Variants in SLC9A9 observed in about 807,000 individuals in gnomAD.
SLC9A9 encodes sodium/hydrogen exchanger 9.
A neutral mutation model predicts 77.8 loss-of-function variants in SLC9A9; 62 were observed. The observed-to-expected ratio is 0.80, with a 90% CI of 0.65 to 0.98. The LOEUF is 0.98. Ranked by LOEUF, SLC9A9 falls within the 50% of genes least tolerant of loss-of-function variation. The pLI is 0.00. For missense variants in SLC9A9, 775 were observed against 774.9 expected (o/e 1.00, Z 0.00); for synonymous variants, 320 against 283.5 (o/e 1.13, Z -1.29).
rs758608214 is a variant in SLC9A9, at chr3:143,268,873, A to G, written c.1710+2T>C. The G allele has an allele frequency of 1.9e-6, 3 of 1,610,040 alleles. No individual in the cohort carries two copies. In the African/African-American group the frequency reaches 4.0e-5, roughly 22 times the overall value. ...CACCCTAGAGGCCTGAGATTTACTT[A>G]CCCCATAGGCTTGAGGACTGGTAAG... On this transcript the variant is annotated splice_donor_variant, in intron 15 of 15. Transcript: ENST00000316549. LOFTEE classifies it high-confidence loss of function.
At position 143,785,564 on chromosome 3, in the gene SLC9A9, T is replaced by C. The variant is rs1309976990; in HGVS notation, c.533+9437A>G. ...CAGCCTAAATTGTTGAGCCACAGAA[T>C]TGTGAGCTATTAAAACAACCGTTGT... On this transcript the variant is annotated intron_variant, in intron 4 of 15. Coordinates refer to ENST00000316549, the MANE Select transcript of SLC9A9 (RefSeq NM_173653.4). Among the ~76,000 whole-genome samples, 3 of 152,212 alleles carry C rather than the reference T, an allele frequency of 2.0e-5. No individual in the cohort carries two copies. In the East Asian group the frequency reaches 5.8e-4, roughly 29 times the overall value.
intron 8 of SLC9A9, 26 bp downstream of exon 8, chr3:143,574,062 T>C (rs76110433): frequency 0.025 from 39,751 of 1,582,144 alleles, 617 homozygotes; most frequent in Non-Finnish European, 0.029. Context: ...ACACATCCAG[T>C]TGGCTGTGCA....
chr3:143,382,503 C>T (rs1485249003), intron 12 of SLC9A9, among the ~76,000 whole-genome samples: 1 of 152,078 alleles, frequency 6.6e-6, no homozygotes, highest in Non-Finnish European at 1.5e-5. Flanking sequence ...ATTTGTGTGC[C>T]CAGCCTGGAG....
chr3:143,588,256 G>T (rs945770999), intron 6 of SLC9A9, among the ~76,000 whole-genome samples: 4 of 152,118 alleles, frequency 2.6e-5, no homozygotes, highest in African/African-American at 9.7e-5. Context: ...TCATTGACTT[G>T]CTATCTATTT....
chr3:143,280,074 G>A (rs989092720), intron 14 of SLC9A9, among the ~76,000 whole-genome samples: 2 of 152,164 alleles, frequency 1.3e-5, no homozygotes, highest in Admixed American at 1.3e-4. Flanking sequence ...TCCCGCCTTA[G>A]CCTCCCAAGG....
intron 14 of SLC9A9, among the ~76,000 whole-genome samples, chr3:143,337,882 C>T (rs2031976042): frequency 1.3e-5 from 2 of 152,186 alleles, no homozygotes; most frequent in South Asian, 4.1e-4. Context: ...TGGGTTCTTT[C>T]TTGTCAGAGC....
intron 5 of SLC9A9, among the ~76,000 whole-genome samples, chr3:143,679,819 A>T (rs1933023350): frequency 6.6e-6 from 1 of 152,254 alleles, no homozygotes; most frequent in Admixed American, 6.5e-5. Flanking sequence ...ATTAGAATAG[A>T]TACATAAAAC....
intron 9 of SLC9A9, among the ~76,000 whole-genome samples, chr3:143,528,000 G>A (rs2108618765): frequency 6.6e-6 from 1 of 152,362 alleles, no homozygotes; most frequent in African/African-American, 2.4e-5. Context: ...GATCTTTGGA[G>A]AGTAGGAGTT....
chr3:143,703,138 C>T (rs1933853060), intron 4 of SLC9A9, among the ~76,000 whole-genome samples: 1 of 152,042 alleles, frequency 6.6e-6, no homozygotes, highest in African/African-American at 2.4e-5. Context: ...ACTTCAACAT[C>T]CCACTTTCAG....
chr3:143,456,731 A>AT (rs2035099681), intron 12 of SLC9A9, among the ~76,000 whole-genome samples: 9 of 151,642 alleles, frequency 5.9e-5, no homozygotes, highest in Admixed American at 5.9e-4. Context: ...TGCCTGACTA[A>AT]TTTTTGTATT....
chr3:143,485,242 A>G (rs536462763), intron 11 of SLC9A9, among the ~76,000 whole-genome samples: 1 of 152,318 alleles, frequency 6.6e-6, no homozygotes, highest in East Asian at 1.9e-4. Context: ...CTGATCAAAG[A>G]GATGCAGACA....
intron 11 of SLC9A9, among the ~76,000 whole-genome samples, chr3:143,467,871 G>A (rs760207651): frequency 3.3e-5 from 5 of 152,098 alleles, no homozygotes; most frequent in Non-Finnish European, 7.3e-5. Context: ...TCTATTCTCT[G>A]TTAGGATGAT....
intron 1 of SLC9A9, among the ~76,000 whole-genome samples, chr3:143,832,713 C>T (rs1576759199): frequency 7.1e-6 from 1 of 141,764 alleles, no homozygotes; most frequent in South Asian, 2.3e-4. Context: ...CAATATAGTT[C>T]TTTTTTTTTT....
In SLC9A9 at chr3:143,381,925, A is replaced by G. The variant is rs542714717; in HGVS notation, c.1524+135T>C. The G allele has an allele frequency of 1.0e-4, 102 of 997,290 alleles. 1 individual carries two copies. The South Asian group carries it at 1.1e-3, about 11-fold the overall frequency. 61.8% of individuals were successfully genotyped at this position (997,290 alleles called of 1,614,324 possible). ...CTGAATTCCCTTGTATTTTATTGTA[A>G]TCTCATTTGTTTTATCAGCAGAGGA... On this transcript the variant is annotated intron_variant, in intron 13 of 15. Coordinates refer to ENST00000316549, the MANE Select transcript of SLC9A9 (RefSeq NM_173653.4).
chr3:143,315,479 TG>T (rs889744970), intron 14 of SLC9A9, among the ~76,000 whole-genome samples: 1 of 152,240 alleles, frequency 6.6e-6, no homozygotes, highest in African/African-American at 2.4e-5. Context: ...CAAAACTCAG[TG>T]GCCTACTTAT....
At chr3:143,794,615 G>A (rs561432348) in intron 4 of SLC9A9, among the ~76,000 whole-genome samples, 3 of 152,160 alleles carry the variant, frequency 2.0e-5, no homozygotes, top group South Asian at 4.1e-4. Flanking sequence ...GAAAACTCTT[G>A]GCATATAGTT....
At chr3:143,471,772 A>G (rs1436415446) in intron 11 of SLC9A9, among the ~76,000 whole-genome samples, 1 of 152,202 alleles carries the variant, frequency 6.6e-6, no homozygotes, top group Non-Finnish European at 1.5e-5. Flanking sequence ...CATATTTCAT[A>G]TGCCCAGTTG....
At chr3:143,768,148 A>G (rs373605560) in intron 4 of SLC9A9, among the ~76,000 whole-genome samples, 1 of 152,026 alleles carries the variant, frequency 6.6e-6, no homozygotes, top group Non-Finnish European at 1.5e-5. Context: ...TCACTGACTG[A>G]CTGCCAGACA....
chr3:143,428,390 C>A (rs971803158), intron 12 of SLC9A9, among the ~76,000 whole-genome samples: 60 of 152,078 alleles, frequency 3.9e-4, no homozygotes, highest in African/African-American at 1.3e-3. Context: ...ATCACCTCAC[C>A]CCAGTTAGAA....
Sources: allele counts gnomAD v4.1 joint callset (sites outside exome capture counted in the v4.1 genomes callset), GRCh38; gene constraint gnomAD v4.1.1; transcripts MANE v1.5; gene names NCBI Gene and HGNC (gene_info 2026-07-23, HGNC 2026-07-21).